Variants in DEPTOR observed in about 807,000 individuals in gnomAD.
DEPTOR encodes DEP domain containing MTOR interacting protein.
A neutral mutation model predicts 41.6 loss-of-function variants in DEPTOR; 41 were observed. The ratio of observed to expected loss-of-function variants is 0.98; its 90% CI spans 0.77 to 1.28. DEPTOR has a LOEUF of 1.28. Among genes scored for constraint, DEPTOR ranks in the 50% most tolerant of loss-of-function variants. The probability of loss-of-function intolerance (pLI) is 0.00; values close to 1 mark genes in which losing one functional copy is unlikely to be tolerated. For synonymous variants in DEPTOR, 195 were observed against 192.3 expected (o/e 1.01, Z -0.12); for missense variants, 514 against 527.9 (o/e 0.97, Z 0.26).
chr8:119,991,074 C>CT (rs1812158348), intron 4 of DEPTOR, among the ~76,000 whole-genome samples: 1 of 72,198 alleles, frequency 1.4e-5, no homozygotes, highest in Non-Finnish European at 2.9e-5. Flanking sequence ...TTCTTTCTTT[C>CT]TTTCTTTCTT....
At chr8:119,988,055 C>T (rs1813966198) in intron 4 of DEPTOR, among the ~76,000 whole-genome samples, 1 of 152,124 alleles carries the variant, frequency 6.6e-6, no homozygotes, top group Non-Finnish European at 1.5e-5. Flanking sequence ...TTCCAGGCAC[C>T]ACTGGGGTAT....
At chr8:119,923,019 A>T (rs1052508205) in intron 1 of DEPTOR, among the ~76,000 whole-genome samples, 1 of 135,940 alleles carries the variant, frequency 7.4e-6, no homozygotes, top group East Asian at 1.9e-4. Flanking sequence ...CTGGTTGTCA[A>T]AAGGAAGAAC....
chr8:119,942,501 C>T (rs879917340), intron 3 of DEPTOR, among the ~76,000 whole-genome samples: 6 of 152,268 alleles, frequency 3.9e-5, no homozygotes, highest in Admixed American at 1.3e-4. Context: ...CCACCGCGTC[C>T]GGCCGTGACT....
At chr8:120,019,018 C>G (rs1812655601) in intron 8 of DEPTOR, among the ~76,000 whole-genome samples, 1 of 152,088 alleles carries the variant, frequency 6.6e-6, no homozygotes, top group Non-Finnish European at 1.5e-5. Flanking sequence ...AAATGCACAG[C>G]TTTTGGCCAG....
In DEPTOR at chr8:119,894,853, G is replaced by T. The variant is rs116272228; in HGVS notation, c.122+20885G>T. On this transcript the variant is annotated intron_variant, in intron 1 of 8. Transcript: ENST00000286234. ...AATACTTATTTATAACTACCCTGGG[G>T]TCTATTCAGAATCTTTCTCAAAGGT... Among the ~76,000 whole-genome samples, 643 of 152,214 alleles carry T rather than the reference G, an allele frequency of 4.2e-3. 4 individuals carry two copies. The highest frequency in any genetic ancestry group is 0.015 in the African/African-American group (605 of 41,546).
At chr8:120,044,071 C>CAAA (rs371815554) in intron 8 of DEPTOR, among the ~76,000 whole-genome samples, 7,888 of 90,094 alleles carry the variant, frequency 0.088, 403 homozygotes, top group South Asian at 0.25. Context: ...GCTAGCCTAA[C>CAAA]AAAAAAAAAA....
At chr8:119,943,757 C>T (rs1248415988) in intron 3 of DEPTOR, among the ~76,000 whole-genome samples, 1 of 152,156 alleles carries the variant, frequency 6.6e-6, no homozygotes, top group African/African-American at 2.4e-5. Context: ...GGAGCTTCAC[C>T]GTCCTTTATA....
intron 3 of DEPTOR, among the ~76,000 whole-genome samples, chr8:119,937,440 T>C (rs1225554488): frequency 6.6e-6 from 1 of 152,230 alleles, no homozygotes; most frequent in African/African-American, 2.4e-5. Flanking sequence ...ATATGCACTT[T>C]CACAGTTTAC....
At chr8:119,943,431 G>A (rs1458667064) in intron 3 of DEPTOR, among the ~76,000 whole-genome samples, 1 of 152,116 alleles carries the variant, frequency 6.6e-6, no homozygotes, top group African/African-American at 2.4e-5. Context: ...GATAGTAGGA[G>A]GAACTCTCAA....
intron 8 of DEPTOR, among the ~76,000 whole-genome samples, chr8:120,030,781 G>A (rs1173639077): frequency 2.0e-5 from 3 of 151,696 alleles, no homozygotes; most frequent in Non-Finnish European, 2.9e-5. Flanking sequence ...GGTGTAAGCC[G>A]CCATGCCCAG....
chr8:120,047,223 T>C (rs546309034), intron 8 of DEPTOR, among the ~76,000 whole-genome samples: 4 of 152,178 alleles, frequency 2.6e-5, no homozygotes, highest in South Asian at 2.1e-4. Context: ...GGTTTCACCA[T>C]GTTGGCCAGG....
intron 4 of DEPTOR, among the ~76,000 whole-genome samples, chr8:119,973,130 T>C (rs755216052): frequency 1.3e-5 from 2 of 151,446 alleles, no homozygotes; most frequent in Non-Finnish European, 2.9e-5. Context: ...GTAGAGACAG[T>C]GTTTCTCCAT....
chr8:119,954,969 C>T (rs1372849502), intron 3 of DEPTOR, among the ~76,000 whole-genome samples: 2 of 152,044 alleles, frequency 1.3e-5, no homozygotes, highest in Non-Finnish European at 2.9e-5. Flanking sequence ...AGCGATTCTC[C>T]TGCCTCAGCC....
chr8:119,933,151 C>T (rs1042075512), intron 3 of DEPTOR, among the ~76,000 whole-genome samples: 1 of 152,082 alleles, frequency 6.6e-6, no homozygotes, highest in Non-Finnish European at 1.5e-5. Context: ...GCCGCTCTCA[C>T]CCCTTTCCCT....
chr8:119,914,951 G>A (rs981786031), intron 1 of DEPTOR, among the ~76,000 whole-genome samples: 1 of 152,088 alleles, frequency 6.6e-6, no homozygotes, highest in South Asian at 2.1e-4. Context: ...ATTCCATGAG[G>A]GGGTGGTATA....
At chr8:119,971,042 A>G (rs1422646683) in intron 4 of DEPTOR, among the ~76,000 whole-genome samples, 2 of 152,118 alleles carry the variant, frequency 1.3e-5, no homozygotes, top group Non-Finnish European at 2.9e-5. Context: ...CATCCTGGCT[A>G]ACACGGTGAA....
intron 4 of DEPTOR, among the ~76,000 whole-genome samples, chr8:119,991,377 A>T (rs1339056927): frequency 6.6e-6 from 1 of 151,728 alleles, no homozygotes; most frequent in East Asian, 1.9e-4. Context: ...GTGCAGTGGC[A>T]CAATCTTGGC....
chr8:119,993,197 T>C (rs998037908), intron 4 of DEPTOR, among the ~76,000 whole-genome samples: 1 of 152,226 alleles, frequency 6.6e-6, no homozygotes, highest in Non-Finnish European at 1.5e-5. Flanking sequence ...TTTGGTAAAC[T>C]ACATGACATT....
intron 8 of DEPTOR, among the ~76,000 whole-genome samples, chr8:120,034,443 CTTTTTTTTTT>C (rs148465030): frequency 4.4e-5 from 4 of 91,588 alleles, no homozygotes; most frequent in East Asian, 3.3e-4. Flanking sequence ...TTTCCTTTTT[CTTTTTTTTTT>C]TTTTTTTTTT....
Sources: gnomAD v4.1 joint callset for allele counts (sites outside exome capture counted in the v4.1 genomes callset) on GRCh38, gnomAD v4.1.1 for gene constraint, MANE v1.5 for transcripts, NCBI Gene and HGNC (gene_info 2026-07-23, HGNC 2026-07-21) for gene names.